Variants in DDX10 observed in about 807,000 individuals in gnomAD.
The protein encoded by DDX10 is DEAD-box helicase 10.
In DDX10, 74 loss-of-function variants were observed where a neutral mutation model predicts 104.3. The observed-to-expected ratio is 0.71, with a 90% CI of 0.59 to 0.86. The LOEUF (loss-of-function observed/expected upper bound fraction) is 0.86, where lower values mean the gene tolerates loss of function less well. Ranked by LOEUF, DDX10 falls within the 40% of genes least tolerant of loss-of-function variation. The probability of loss-of-function intolerance (pLI) is 0.00; values close to 1 mark genes in which losing one functional copy is unlikely to be tolerated. For missense variants in DDX10, 952 were observed against 1,040.0 expected, an observed-to-expected ratio of 0.92 and a Z score of 1.16; for synonymous variants, 351 against 353.4, an observed-to-expected ratio of 0.99 and a Z score of 0.08.
chr11:108,694,790 A>G (rs2094257415), intron 9 of DDX10, among the ~76,000 whole-genome samples: 1 of 152,230 alleles, frequency 6.6e-6, no homozygotes, highest in Admixed American at 6.5e-5. Context: ...CTGAGGCAGG[A>G]GAATCACGTG....
chr11:108,712,003 C>T (rs187309151), intron 10 of DDX10, among the ~76,000 whole-genome samples: 18 of 152,292 alleles, frequency 1.2e-4, no homozygotes, highest in East Asian at 1.2e-3. Flanking sequence ...GGAGCCTATA[C>T]GTTAAGGATT....
chr11:108,829,856 T>G (rs1000347937), intron 13 of DDX10, among the ~76,000 whole-genome samples: 9 of 152,072 alleles, frequency 5.9e-5, no homozygotes, highest in Admixed American at 1.3e-4. Context: ...CCTCACTTTA[T>G]GTTTGTTATC....
chr11:108,673,642 A>G, intron 2 of DDX10, 115 bp downstream of exon 2: 3 of 661,146 alleles, frequency 4.5e-6, no homozygotes, highest in Non-Finnish European at 7.9e-6. Flanking sequence ...TTTTGATATC[A>G]TGAAAACCAA....
In DDX10 at chr11:108,681,058, GT is replaced by G. The variant is rs1458878787; in HGVS notation, c.848+1499del. Among the ~76,000 whole-genome samples, 30 of 152,276 alleles carry G rather than the reference GT, an allele frequency of 2.0e-4. No homozygotes were observed. The Middle Eastern group carries it at 0.01, about 52-fold the overall frequency. On this transcript the variant is annotated intron_variant, in intron 6 of 17. Transcript: ENST00000322536. ...TAACTTGAAAATGTAAAGACTGCTT[GT>G]CTAGGATTTTTCACTTTTCTCTTTT...
intron 13 of DDX10, among the ~76,000 whole-genome samples, chr11:108,756,119 A>G (rs545169824): frequency 2.0e-5 from 3 of 152,132 alleles, no homozygotes; most frequent in East Asian, 3.9e-4. Context: ...GTGCTGCTAC[A>G]GTTGTCTTTT....
chr11:108,675,773 A>G (rs756385957), intron 3 of DDX10, 47 bp downstream of exon 3: 2 of 1,600,902 alleles, frequency 1.2e-6, no homozygotes, highest in Non-Finnish European at 1.7e-6. Context: ...ACAATTTTAT[A>G]ACATTCTGTG....
chr11:108,870,508 T>A (rs1013296218), intron 16 of DDX10, among the ~76,000 whole-genome samples: 5 of 152,186 alleles, frequency 3.3e-5, no homozygotes, highest in Admixed American at 3.3e-4. Flanking sequence ...AACTTTAGAC[T>A]GTCTAATTAC....
rs1184970238 is a variant in DDX10 at position 108,838,533 on chromosome 11, A to G, written c.2053A>G (p.Asn685Asp). 4 of 1,611,946 alleles carry G rather than the reference A, an allele frequency of 2.5e-6. No individual in the cohort carries two copies. The highest frequency in any genetic ancestry group is 3.4e-6 in the Non-Finnish European group (4 of 1,179,158). The change falls in exon 14 of 18, where the codon AAT (asparagine) becomes GAT (aspartate). Residue 685 changes from asparagine (N) to aspartate (D), a missense_variant. Physicochemically the swap from Asn to Asp is conservative, Grantham distance 23. This residue lies in a region of DDX10 where 533 missense variants were observed against 534.1 expected (regional missense o/e 1.00). Transcript: ENST00000322536. ...AGTAATGAAGAGAAATTTTAAAGTG[A>G]ATAAGAAGATAACATTTACTGATGA... ...KKVMKRNFKV[N>D]KKITFTDEGE...
chr11:108,752,790 C>T (rs1347500438), intron 13 of DDX10, among the ~76,000 whole-genome samples: 1 of 151,972 alleles, frequency 6.6e-6, no homozygotes, highest in Non-Finnish European at 1.5e-5. Flanking sequence ...ATATTTTTGC[C>T]ATTGTGAACA....
chr11:108,678,554 T>G, intron 5 of DDX10, 119 bp downstream of exon 5: 2 of 1,100,774 alleles, frequency 1.8e-6, no homozygotes, highest in Non-Finnish European at 1.2e-6. Flanking sequence ...AAAACAAACT[T>G]AAAAATTACT....
intron 17 of DDX10, among the ~76,000 whole-genome samples, chr11:108,937,515 T>A (rs1432132210): frequency 6.6e-6 from 1 of 152,242 alleles, no homozygotes. Flanking sequence ...GTATCTTGTT[T>A]TCTTAATTAT....
At chr11:108,706,649 T>C in intron 9 of DDX10, 90 bp from the exon 10 acceptor site, 1 of 979,768 alleles carries the variant, frequency 1.0e-6, no homozygotes, top group Non-Finnish European at 1.6e-6. Flanking sequence ...TAGACAAAAA[T>C]GGTTTCCATG....
chr11:108,905,873 G>A (rs372539703), intron 16 of DDX10, among the ~76,000 whole-genome samples: 10 of 152,300 alleles, frequency 6.6e-5, no homozygotes, highest in African/African-American at 2.4e-4. Flanking sequence ...TGGAGCAGAA[G>A]TAAGAGAAGT....
chr11:108,717,117 A>G (rs1397685336), intron 11 of DDX10, among the ~76,000 whole-genome samples: 1 of 152,188 alleles, frequency 6.6e-6, no homozygotes, highest in Non-Finnish European at 1.5e-5. Flanking sequence ...CATATCAGCA[A>G]TGAGCCAGAG....
At chr11:108,731,692 G>T (rs2094312508) in intron 13 of DDX10, among the ~76,000 whole-genome samples, 1 of 151,708 alleles carries the variant, frequency 6.6e-6, no homozygotes, top group Admixed American at 6.6e-5. Flanking sequence ...ATAAATCACT[G>T]CACCCATCCT....
intron 13 of DDX10, among the ~76,000 whole-genome samples, chr11:108,737,799 G>A (rs1011453594): frequency 6.6e-6 from 1 of 152,040 alleles, no homozygotes; most frequent in Non-Finnish European, 1.5e-5. Context: ...CCATGATAAG[G>A]CATGCCTACA....
intron 17 of DDX10, among the ~76,000 whole-genome samples, chr11:108,930,951 T>G (rs1405932509): frequency 1.3e-5 from 2 of 152,172 alleles, no homozygotes; most frequent in Non-Finnish European, 2.9e-5. Flanking sequence ...AATAAAAACG[T>G]CAAAGACTAT....
At chr11:108,835,456 A>G (rs1201667901) in intron 13 of DDX10, among the ~76,000 whole-genome samples, 3 of 152,242 alleles carry the variant, frequency 2.0e-5, no homozygotes, top group East Asian at 1.9e-4. Flanking sequence ...TGATGTGTAT[A>G]TAGTGATTAT....
intron 13 of DDX10, among the ~76,000 whole-genome samples, chr11:108,749,676 T>C (rs1299849632): frequency 6.6e-6 from 1 of 152,198 alleles, no homozygotes; most frequent in African/African-American, 2.4e-5. Flanking sequence ...TCAATGAAGT[T>C]GAGTAATTTG....
Sources: allele counts gnomAD v4.1 joint callset (sites outside exome capture counted in the v4.1 genomes callset), GRCh38; gene constraint gnomAD v4.1.1; regional missense constraint gnomAD v4.1.1; transcripts MANE v1.5; gene names NCBI Gene and HGNC (gene_info 2026-07-23, HGNC 2026-07-21).